PTPRK: variants seen among roughly 807,000 people sequenced by gnomAD.
The protein encoded by PTPRK is receptor-type tyrosine-protein phosphatase kappa.
In PTPRK, 75 loss-of-function variants were observed where a neutral mutation model predicts 178.0. That is an observed-to-expected ratio of 0.42 (90% CI 0.35 to 0.51). The LOEUF (loss-of-function observed/expected upper bound fraction) is 0.51. Among genes scored for constraint, PTPRK ranks in the 20% least tolerant of loss-of-function variants. The probability of loss-of-function intolerance (pLI) is 0.02; values close to 1 mark genes in which losing one functional copy is unlikely to be tolerated. For missense variants in PTPRK, 1,441 were observed against 1,797.8 expected (o/e 0.80, Z 3.59); for synonymous variants, 637 against 620.6 (o/e 1.03, Z -0.39).
chr6:128,147,859 A>G (rs1190909372), intron 7 of PTPRK, among the ~76,000 whole-genome samples: 1 of 152,140 alleles, frequency 6.6e-6, no homozygotes, highest in Non-Finnish European at 1.5e-5. Context: ...CTTCTCTCCA[A>G]CCAATAAAGC....
chr6:128,072,955 C>T (rs1562531674), intron 11 of PTPRK, among the ~76,000 whole-genome samples: 2 of 152,068 alleles, frequency 1.3e-5, no homozygotes, highest in East Asian at 1.9e-4. Flanking sequence ...CTCAAAAACT[C>T]TAGGGTGGAA....
At chr6:127,977,419 C>T (rs187696210) in intron 25 of PTPRK, among the ~76,000 whole-genome samples, 118 of 152,282 alleles carry the variant, frequency 7.7e-4, no homozygotes, top group African/African-American at 2.7e-3. Flanking sequence ...ATTTTCCAAA[C>T]GTAATCAGTC....
chr6:128,434,231 T>C (rs1014120544), intron 1 of PTPRK, among the ~76,000 whole-genome samples: 3 of 152,150 alleles, frequency 2.0e-5, no homozygotes, highest in African/African-American at 7.2e-5. Context: ...GGCAGGTAGA[T>C]ATACAAATAA....
At chr6:128,142,724 TCAA>T (rs1795952610) in intron 7 of PTPRK, among the ~76,000 whole-genome samples, 2 of 151,960 alleles carry the variant, frequency 1.3e-5, no homozygotes, top group African/African-American at 2.4e-5. Flanking sequence ...GTCTTACATT[TCAA>T]CAAAAATAAA....
chr6:128,323,392 C>A (rs1011742439), intron 2 of PTPRK, among the ~76,000 whole-genome samples: 9 of 152,012 alleles, frequency 5.9e-5, no homozygotes, highest in Admixed American at 2.0e-4. Context: ...TGTAAAATAT[C>A]TTTTTTCTTT....
intron 1 of PTPRK, among the ~76,000 whole-genome samples, chr6:128,501,730 CA>C (rs1457155251): frequency 6.6e-6 from 1 of 152,072 alleles, no homozygotes; most frequent in Non-Finnish European, 1.5e-5. Flanking sequence ...TTTTAAAACT[CA>C]AGTGAAATAA....
At chr6:128,476,238 A>G (rs528473333) in intron 1 of PTPRK, among the ~76,000 whole-genome samples, 7 of 151,990 alleles carry the variant, frequency 4.6e-5, no homozygotes, top group African/African-American at 1.7e-4. Context: ...GACCCTCAAC[A>G]ATATCTTGGG....
At chr6:128,429,351 A>G (rs1844541382) in intron 1 of PTPRK, among the ~76,000 whole-genome samples, 1 of 152,220 alleles carries the variant, frequency 6.6e-6, no homozygotes, top group Non-Finnish European at 1.5e-5. Context: ...GACAGGGGCT[A>G]TGTCAAAGAT....
At chr6:128,010,049 C>T (rs1217504382) in intron 13 of PTPRK, among the ~76,000 whole-genome samples, 1 of 151,182 alleles carries the variant, frequency 6.6e-6, no homozygotes, top group African/African-American at 2.4e-5. Context: ...GGACATTTTC[C>T]TTTTACCTCA....
At chr6:128,476,966 G>A (rs1359144955) in intron 1 of PTPRK, among the ~76,000 whole-genome samples, 1 of 151,724 alleles carries the variant, frequency 6.6e-6, no homozygotes, top group Non-Finnish European at 1.5e-5. Flanking sequence ...AAATAAAAAG[G>A]CTTCCATGTG....
intron 7 of PTPRK, among the ~76,000 whole-genome samples, chr6:128,175,225 C>A (rs1800883354): frequency 6.6e-6 from 1 of 151,774 alleles, no homozygotes; most frequent in Admixed American, 6.6e-5. Flanking sequence ...ACTAAATGCC[C>A]AGAATGATGA....
At chr6:128,465,145 C>T (rs565587401) in intron 1 of PTPRK, among the ~76,000 whole-genome samples, 59 of 149,442 alleles carry the variant, frequency 3.9e-4, no homozygotes, top group African/African-American at 1.4e-3. Context: ...CTGAAATGAA[C>T]GTGGGACCCA....
intron 15 of PTPRK, among the ~76,000 whole-genome samples, chr6:127,999,501 C>T (rs1370711743): frequency 2.6e-5 from 4 of 152,050 alleles, no homozygotes; most frequent in Non-Finnish European, 5.9e-5. Flanking sequence ...TATTCAACCT[C>T]TGCCGCCTTG....
chr6:128,321,536 T>C (rs950585404), intron 3 of PTPRK: 1 of 390,814 alleles, frequency 2.6e-6, no homozygotes, highest in Non-Finnish European at 4.5e-6. Flanking sequence ...AATTAATTAA[T>C]CAAAATTAAA....
intron 5 of PTPRK, chr6:128,235,595 G>A: frequency 2.0e-6 from 1 of 506,634 alleles, no homozygotes; most frequent in East Asian, 5.8e-5. Context: ...GTCAATCACA[G>A]TCTGAAAATC....
chr6:128,390,647 T>G (rs1839421880), intron 2 of PTPRK, among the ~76,000 whole-genome samples: 1 of 152,112 alleles, frequency 6.6e-6, no homozygotes, highest in South Asian at 2.1e-4. Flanking sequence ...CAAGAGTAAC[T>G]TTTATATTAG....
At chr6:128,395,183 A>C (rs1266021010) in intron 2 of PTPRK, among the ~76,000 whole-genome samples, 1 of 152,192 alleles carries the variant, frequency 6.6e-6, no homozygotes, top group Non-Finnish European at 1.5e-5. Context: ...AAATGAAAAA[A>C]ATAGTATCTA....
At chr6:128,489,604 T>G (rs1853475130) in intron 1 of PTPRK, among the ~76,000 whole-genome samples, 1 of 152,240 alleles carries the variant, frequency 6.6e-6, no homozygotes. Context: ...ATTTTATTCT[T>G]TTCATATGTG....
chr6:128,204,242 C>A (rs979341474), intron 6 of PTPRK, among the ~76,000 whole-genome samples: 1 of 152,040 alleles, frequency 6.6e-6, no homozygotes, highest in African/African-American at 2.4e-5. Context: ...TGAAACTGGA[C>A]CCCTTCCTTA....
Sources: gnomAD v4.1 joint callset for allele counts (sites outside exome capture counted in the v4.1 genomes callset) on GRCh38, gnomAD v4.1.1 for gene constraint, MANE v1.5 for transcripts, NCBI Gene and HGNC (gene_info 2026-07-23, HGNC 2026-07-21) for gene names.